The following NVL variants were observed in gnomAD, a reference collection of about 807,000 sequenced individuals.
NVL encodes the protein nuclear VCP like, also known as nuclear valosin-containing protein-like.
Under a neutral mutation model 110.2 loss-of-function variants are expected in NVL, and 84 were observed. The ratio of observed to expected loss-of-function variants is 0.76; its 90% CI spans 0.64 to 0.91. The LOEUF is 0.91. Ranked by LOEUF, NVL falls within the 40% of genes least tolerant of loss-of-function variation. The pLI is 0.00. For missense variants in NVL, 882 were observed against 1,035.9 expected (o/e 0.85, Z 2.04); for synonymous variants, 354 against 361.1 (o/e 0.98, Z 0.22).
intron 2 of NVL, among the ~76,000 whole-genome samples, chr1:224,324,488 G>A (rs1305343878): frequency 2.0e-5 from 3 of 152,096 alleles, no homozygotes; most frequent in African/African-American, 7.2e-5. Flanking sequence ...GAGTGCACTG[G>A]TGCAATCATA....
intron 12 of NVL, among the ~76,000 whole-genome samples, chr1:224,291,340 G>A (rs1315720404): frequency 6.6e-6 from 1 of 152,008 alleles, no homozygotes; most frequent in African/African-American, 2.4e-5. Context: ...CAAGTAGCTG[G>A]GATTATAGGC....
chr1:224,237,715 C>T (rs556427017), intron 19 of NVL, among the ~76,000 whole-genome samples: 7 of 147,630 alleles, frequency 4.7e-5, no homozygotes, highest in Non-Finnish European at 1.0e-4. Flanking sequence ...AACTACATGC[C>T]ACCATGCCTG....
intron 21 of NVL, among the ~76,000 whole-genome samples, chr1:224,231,501 C>T (rs1353118336): frequency 6.6e-6 from 1 of 152,180 alleles, no homozygotes; most frequent in Non-Finnish European, 1.5e-5. Context: ...CCAAAGAGAT[C>T]TGCCACTCAT....
Position 224,330,142 on chromosome 1 carries a change from A to G in NVL, c.-15T>C, listed in dbSNP as rs747865870. 6.2e-7 allele frequency: 1 copy of G among 1,613,682 alleles called. No homozygotes were observed. Among genetic ancestry groups the G allele is most frequent in the African/African-American group, 1.3e-5 (1 of 74,926 alleles). On this transcript the variant is annotated 5_prime_UTR_variant, in exon 1 of 23. Coordinates refer to ENST00000281701, the MANE Select transcript of NVL (RefSeq NM_002533.4). Reference sequence around the variant, plus strand: ...CTGGGCTTCATCGCGTCGGTCTTCCAAGCCACAGCTCGGACCGCCAGCTCC... The same window carrying G: ...CTGGGCTTCATCGCGTCGGTCTTCCGAGCCACAGCTCGGACCGCCAGCTCC...
intron 10 of NVL, chr1:224,297,582 A>G: frequency 6.5e-6 from 1 of 153,576 alleles, no homozygotes. Context: ...ACAGAATTGT[A>G]CACTTAAAAA....
chr1:224,268,648 T>TTTTG (rs145568693), intron 17 of NVL, among the ~76,000 whole-genome samples: 10 of 150,990 alleles, frequency 6.6e-5, no homozygotes, highest in South Asian at 2.1e-4. Context: ...GACTAAGCTT[T>TTTTG]TTTGTTTGTT....
chr1:224,244,084 G>A (rs1026786105), intron 19 of NVL, among the ~76,000 whole-genome samples: 3 of 151,648 alleles, frequency 2.0e-5, no homozygotes, highest in African/African-American at 7.3e-5. Flanking sequence ...AAAAAATCTG[G>A]GGGCCGGGCG....
intron 16 of NVL, among the ~76,000 whole-genome samples, chr1:224,279,231 T>C (rs1666076248): frequency 6.6e-6 from 1 of 152,114 alleles, no homozygotes; most frequent in African/African-American, 2.4e-5. Context: ...GTTAATAAAC[T>C]AAAAATACAT....
intron 4 of NVL, chr1:224,312,395 TCA>T (rs1237917077): frequency 2.6e-5 from 4 of 152,290 alleles, no homozygotes; most frequent in African/African-American, 9.7e-5. Context: ...ATTTCCTGTA[TCA>T]AAAAAGAGGT....
intron 18 of NVL, among the ~76,000 whole-genome samples, chr1:224,262,091 A>G (rs1354831806): frequency 5.3e-5 from 8 of 152,220 alleles, no homozygotes; most frequent in Non-Finnish European, 7.3e-5. Context: ...TAATTGGGAA[A>G]AAAATTAAAG....
chr1:224,227,660 A>G lies in NVL; in HGVS notation c.2537T>C (p.Met846Thr). 9 of 1,611,254 alleles carry G rather than the reference A, an allele frequency of 5.6e-6. No individual in the cohort carries two copies. Among genetic ancestry groups the G allele is most frequent in the Non-Finnish European group, 7.6e-6 (9 of 1,178,148 alleles). The change falls in exon 23 of 23, where the codon ATG becomes ACG. Residue 846 changes from methionine to threonine, a missense_variant. Around this residue, in one of 4 missense-constraint regions of NVL, gnomAD observed 126 missense variants for 140.7 expected, o/e 0.90. Coordinates refer to ENST00000281701, the MANE Select transcript of NVL (RefSeq NM_002533.4). ...RSSISKKDQI[M>T]YERLQESLSR ...GAGGGACTCCTGCAAACGTTCATACATGATTTGATCCTGAAAGGAGGGAGA... is the reference window on the plus strand; with the variant it reads ...GAGGGACTCCTGCAAACGTTCATACGTGATTTGATCCTGAAAGGAGGGAGA...
At chr1:224,322,653 C>T (rs1452515430) in intron 2 of NVL, among the ~76,000 whole-genome samples, 1 of 152,044 alleles carries the variant, frequency 6.6e-6, no homozygotes, top group Non-Finnish European at 1.5e-5. Flanking sequence ...GAAGTGACTG[C>T]TGTTAGAAAT....
Position 224,258,979 on chromosome 1 carries a change from T to TAA in NVL, c.2183-8663_2183-8662dup, listed in dbSNP as rs34767555. On this transcript the variant is annotated intron_variant, in intron 18 of 22. Transcript: ENST00000281701. Reference sequence around the variant, plus strand: ...TTAACATGAGACCCTGTCTCTACATTAAAAAAAAAAAAAAAAAAAAAAAAG... The same window carrying TAA: ...TTAACATGAGACCCTGTCTCTACATTAAAAAAAAAAAAAAAAAAAAAAAAAAG... 4.8e-3 allele frequency among the ~76,000 whole-genome samples: 287 copies of TAA among 60,208 alleles called. 3 individuals are homozygous for TAA. Among genetic ancestry groups the TAA allele is most frequent in the African/African-American group, 0.015 (274 of 18,034 alleles). The allele number at this position is 60,208 out of a possible 152,430, so 39.5% of individuals were successfully genotyped here.
At position 224,278,308 on chromosome 1, in the gene NVL, C is replaced by T. The variant is rs188808616; in HGVS notation, c.1962+2815G>A. On this transcript the variant is annotated intron_variant, in intron 16 of 22. Coordinates refer to ENST00000281701, the MANE Select transcript of NVL (RefSeq NM_002533.4). ...GTGCAGTGGCGTGATCTCTGCTCAC[C>T]GTTAACCTCCACCTCCTGAGTTCAA... 3.9e-3 allele frequency among the ~76,000 whole-genome samples: 577 copies of T among 148,838 alleles called. 5 individuals carry two copies. Among genetic ancestry groups the T allele is most frequent in the African/African-American group, 0.012 (493 of 40,298 alleles).
chr1:224,286,736 T>C (rs1185101116), intron 14 of NVL, among the ~76,000 whole-genome samples: 2 of 152,254 alleles, frequency 1.3e-5, no homozygotes, highest in African/African-American at 2.4e-5. Flanking sequence ...TGGTCTCCTC[T>C]AAGAAATCAG....
intron 19 of NVL, among the ~76,000 whole-genome samples, chr1:224,237,757 C>T (rs1442536931): frequency 9.6e-6 from 1 of 103,950 alleles, no homozygotes; most frequent in Non-Finnish European, 2.0e-5. Context: ...GACAGTCTCG[C>T]TCTGGAGTGC....
At chr1:224,328,860 T>G (rs901556231) in intron 1 of NVL, among the ~76,000 whole-genome samples, 3 of 152,092 alleles carry the variant, frequency 2.0e-5, no homozygotes, top group Non-Finnish European at 2.9e-5. Context: ...GCTGGATATA[T>G]CAATCTGTAC....
intron 18 of NVL, among the ~76,000 whole-genome samples, chr1:224,253,165 C>T (rs1275139081): frequency 1.3e-5 from 2 of 151,818 alleles, no homozygotes; most frequent in Admixed American, 1.3e-4. Flanking sequence ...CTGCATCAGC[C>T]TCCCAAGTAG....
In NVL at chr1:224,250,373, T is replaced by C. The variant is rs543180083; in HGVS notation, c.2183-55A>G. The C allele has an allele frequency of 6.3e-6, 9 of 1,436,040 alleles. No homozygotes were observed. The Admixed American group carries it at 1.1e-4, about 17-fold the overall frequency. 89.0% of individuals were successfully genotyped at this position (1,436,040 alleles called of 1,614,324 possible). On this transcript the variant is annotated intron_variant, in intron 18 of 22. Transcript: ENST00000281701. ...AATAAAACCTTTTATTTTTATTTTT[T>C]TATTTTTTTGAGAGAGGGTCTTGTT... is the stretch of plus-strand genomic sequence containing the variant.
Sources: allele counts gnomAD v4.1 joint callset (sites outside exome capture counted in the v4.1 genomes callset), GRCh38; gene constraint gnomAD v4.1.1; regional missense constraint gnomAD v4.1.1; transcripts MANE v1.5; gene names NCBI Gene and HGNC (gene_info 2026-07-23, HGNC 2026-07-21).